Variants in CORO7 observed in about 807,000 individuals in gnomAD.
CORO7 encodes coronin-7.
A neutral mutation model predicts 126.6 loss-of-function variants in CORO7; 107 were observed. The observed-to-expected ratio is 0.85, with a 90% CI of 0.72 to 0.99. The LOEUF is 0.99. Ranked by LOEUF, CORO7 falls within the 50% of genes least tolerant of loss-of-function variation. CORO7 has a pLI of 0.00. For missense variants in CORO7, 1,314 were observed against 1,255.8 expected, an observed-to-expected ratio of 1.05 and a Z score of -0.70; for synonymous variants, 603 against 536.8, an observed-to-expected ratio of 1.12 and a Z score of -1.70.
At chr16:4,416,009 GC>G in intron 1 of CORO7, 1 of 475,642 alleles carries the variant, frequency 2.1e-6, no homozygotes, top group Non-Finnish European at 2.8e-6. Flanking sequence ...GCTCGCCGGG[GC>G]CAGAGGAGAG....
intron 9 of CORO7, among the ~76,000 whole-genome samples, chr16:4,380,619 T>C (rs1160052997): frequency 1.3e-5 from 2 of 152,104 alleles, no homozygotes; most frequent in Admixed American, 6.5e-5. Context: ...AAGCAGTGCA[T>C]GGTCACTGCA....
chr16:4,362,237 G>A lies in CORO7; in HGVS notation c.1403-77C>T, dbSNP rs1812690062. 5 of 1,516,048 alleles carry A rather than the reference G, an allele frequency of 3.3e-6. No homozygotes were observed. The highest frequency in any genetic ancestry group is 2.2e-5 in the Admixed American group (1 of 46,336). The allele number at this position is 1,516,048 out of a possible 1,614,324, so 93.9% of individuals were successfully genotyped here. Reference sequence around the variant, plus strand: ...GCCCTGCACTCTTTGAGTCCCGGCTGCCCACTCCCCTCACCCCAGGTGGAT... The same window carrying A: ...GCCCTGCACTCTTTGAGTCCCGGCTACCCACTCCCCTCACCCCAGGTGGAT... On this transcript the variant is annotated intron_variant, in intron 15 of 27. Transcript: ENST00000251166. The surrounding 1 kb of genome is among the most constrained non-coding windows in gnomAD (Gnocchi z 5.3).
chr16:4,389,934 G>T (rs1303748033), intron 7 of CORO7, among the ~76,000 whole-genome samples: 5 of 152,200 alleles, frequency 3.3e-5, no homozygotes, highest in African/African-American at 1.2e-4. Context: ...GCTGGCAGTG[G>T]GGCCGGATGG....
In CORO7 at chr16:4,362,538, C is replaced by T; in HGVS notation, c.1402+74G>A. 6.7e-7 allele frequency: 1 copy of T among 1,483,082 alleles called. No individual in the cohort carries two copies. Among genetic ancestry groups the T allele is most frequent in the Non-Finnish European group, 8.9e-7 (1 of 1,118,722 alleles). The allele number at this position is 1,483,082 out of a possible 1,614,324, so 91.9% of individuals were successfully genotyped here. On this transcript the variant is annotated intron_variant, in intron 15 of 27. Coordinates refer to ENST00000251166, the MANE Select transcript of CORO7 (RefSeq NM_024535.5). This position sits in a 1 kb window ranked among gnomAD's most constrained non-coding sequence, Gnocchi z 5.3. Reference sequence around the variant, plus strand: ...GAGGCCTGTGCTCAGCAGTAGGGTACACAGGAGGATGACGGGGAGTGGGGC... The same window carrying T: ...GAGGCCTGTGCTCAGCAGTAGGGTATACAGGAGGATGACGGGGAGTGGGGC...
chr16:4,357,090 G>T, intron 26 of CORO7, 78 bp downstream of exon 26: 1 of 1,570,408 alleles, frequency 6.4e-7, no homozygotes, highest in Non-Finnish European at 8.7e-7. Context: ...CTGGGTTGGG[G>T]ATGGAGAACT....
At chr16:4,385,046 G>A (rs1294902180) in intron 9 of CORO7, among the ~76,000 whole-genome samples, 1 of 152,168 alleles carries the variant, frequency 6.6e-6, no homozygotes, top group Non-Finnish European at 1.5e-5. Flanking sequence ...CATCAGATCA[G>A]GGCTTCGGGG....
At chr16:4,374,031 GC>G (rs2054626016) in intron 9 of CORO7, among the ~76,000 whole-genome samples, 1 of 152,178 alleles carries the variant, frequency 6.6e-6, no homozygotes, top group Admixed American at 6.5e-5. Flanking sequence ...AAGAAAACCA[GC>G]TCCCCTCACT....
At chr16:4,411,756 C>T (rs941452815) in intron 3 of CORO7, among the ~76,000 whole-genome samples, 1 of 152,014 alleles carries the variant, frequency 6.6e-6, no homozygotes, top group African/African-American at 2.4e-5. Context: ...AAATGCAGGC[C>T]AGAGAGACTG....
chr16:4,361,543 G>A (rs2054180603), intron 16 of CORO7, 74 bp from the exon 17 acceptor site: 1 of 1,535,776 alleles, frequency 6.5e-7, no homozygotes, highest in Admixed American at 1.9e-5. Flanking sequence ...CTGCGGGCAA[G>A]CAGCATGTCT....
At chr16:4,388,729 T>C (rs2055283809) in intron 7 of CORO7, 98 bp from the exon 8 acceptor site, 3 of 1,292,764 alleles carry the variant, frequency 2.3e-6, no homozygotes, top group Non-Finnish European at 3.2e-6. Flanking sequence ...GCTGCCCACC[T>C]GCCTGAAAGC....
rs201129405 is a variant in CORO7 at position 4,362,584 on chromosome 16, G to A, written c.1402+28C>T. 6 of 1,531,498 alleles carry A rather than the reference G, an allele frequency of 3.9e-6. No homozygotes were observed. The African/African-American group carries it at 7.0e-5, about 18-fold the overall frequency. 94.9% of individuals were successfully genotyped at this position (1,531,498 alleles called of 1,614,324 possible). A position where few individuals can be genotyped will look rare whatever the true frequency, so the allele number is the denominator to read the frequency against. The stretch of plus-strand genomic sequence containing the variant: ...GGGGCAGACAGGGCTCCTGCGGTAG[G>A]GGTGAGCTCCCCGTCCTGCCTCCTT... On this transcript the variant is annotated intron_variant, in intron 15 of 27. Transcript: ENST00000251166. This position sits in a 1 kb window ranked among gnomAD's most constrained non-coding sequence, Gnocchi z 5.3.
chr16:4,359,077 A>T (rs2054073970), intron 23 of CORO7: 3 of 602,070 alleles, frequency 5.0e-6, no homozygotes, highest in Non-Finnish European at 8.5e-6. Flanking sequence ...GGCCTACAGT[A>T]TGATTTTTAA....
intron 9 of CORO7, chr16:4,382,898 A>G (rs1340335294): frequency 1.1e-5 from 16 of 1,511,114 alleles, no homozygotes; most frequent in Admixed American, 6.7e-5. Flanking sequence ...CCCTACATCT[A>G]AGCCAGAGAG....
chr16:4,415,151 C>A (rs1218286583), intron 1 of CORO7, among the ~76,000 whole-genome samples: 1 of 152,070 alleles, frequency 6.6e-6, no homozygotes, highest in African/African-American at 2.4e-5. Flanking sequence ...TGGTATCCAG[C>A]CCCTCCCCCT....
intron 6 of CORO7, 115 bp from the exon 7 acceptor site, chr16:4,395,454 C>T (rs753839043): frequency 1.5e-6 from 2 of 1,377,664 alleles, no homozygotes; most frequent in Non-Finnish European, 2.0e-6. Context: ...CCCCAGCACG[C>T]AGGGCTGCCA....
At chr16:4,384,019 C>T (rs1195732693) in intron 9 of CORO7, among the ~76,000 whole-genome samples, 9 of 152,254 alleles carry the variant, frequency 5.9e-5, no homozygotes, top group African/African-American at 2.2e-4. Context: ...TGCCACTCCA[C>T]TGCCCACCAT....
rs1351587599 is a variant in CORO7, at chr16:4,381,965, C to T, written c.785+6021G>A. ...ACAGCCACAGTGCCCACCACGAGGC[C>T]CGTGGTGCGGGAGCCCACAGCCTTG... is the stretch of plus-strand genomic sequence containing the variant. On this transcript the variant is annotated intron_variant, in intron 9 of 27. Coordinates refer to ENST00000251166, the MANE Select transcript of CORO7 (RefSeq NM_024535.5). The T allele has an allele frequency of 5.0e-6, 8 of 1,608,522 alleles. No individual in the cohort carries two copies. In the South Asian group the frequency reaches 8.8e-5, roughly 18 times the overall value.
chr16:4,412,542 C>T, intron 2 of CORO7, 112 bp from the exon 3 acceptor site: 1 of 1,102,136 alleles, frequency 9.1e-7, no homozygotes, highest in Non-Finnish European at 1.3e-6. Flanking sequence ...CTTCCCAGAG[C>T]CTCTACCAAT....
At chr16:4,397,626 T>C (rs1247193581) in intron 6 of CORO7, among the ~76,000 whole-genome samples, 1 of 152,042 alleles carries the variant, frequency 6.6e-6, no homozygotes. Flanking sequence ...TTTGTTTTTG[T>C]TTTTGAGATG....
Sources: allele counts gnomAD v4.1 joint callset (sites outside exome capture counted in the v4.1 genomes callset), GRCh38; gene constraint gnomAD v4.1.1; non-coding constraint Gnocchi (gnomAD v3.1); transcripts MANE v1.5; gene names NCBI Gene and HGNC (gene_info 2026-07-23, HGNC 2026-07-21).